Variants in CDH23 observed in about 807,000 individuals in gnomAD.
CDH23 encodes cadherin related 23.
In CDH23, 189 loss-of-function variants were observed where a neutral mutation model predicts 317.1. That is an observed-to-expected ratio of 0.60 (90% CI 0.53 to 0.67). CDH23 has a LOEUF of 0.67. Among genes scored for constraint, CDH23 ranks in the 30% least tolerant of loss-of-function variants. The pLI is 0.00. For synonymous variants in CDH23, 1,839 were observed against 1,876.8 expected (o/e 0.98, Z 0.52); for missense variants, 4,401 against 4,592.4 (o/e 0.96, Z 1.20).
At chr10:71,706,391 G>C (rs1273424603) in intron 25 of CDH23, among the ~76,000 whole-genome samples, 3 of 152,158 alleles carry the variant, frequency 2.0e-5, no homozygotes, top group African/African-American at 7.2e-5. Flanking sequence ...TGTGACTTTG[G>C]ACAAGTCACT....
In CDH23 at chr10:71,551,471, G is replaced by T. The variant is rs1045393843; in HGVS notation, c.430-15271G>T. Among the ~76,000 whole-genome samples the T allele has an allele frequency of 9.8e-5, 15 of 152,306 alleles. No individual in the cohort carries two copies. The East Asian group carries it at 2.5e-3, about 25-fold the overall frequency. On this transcript the variant is annotated intron_variant, in intron 6 of 69. Coordinates refer to ENST00000224721, the MANE Select transcript of CDH23 (RefSeq NM_022124.6). ...CTTCATTCCAGAAGGGGCTTGGAAG[G>T]CCCTTGGAACTTCCTGATCGGTTGG...
intron 9 of CDH23, among the ~76,000 whole-genome samples, chr10:71,581,363 C>T (rs1858617941): frequency 6.6e-6 from 1 of 152,208 alleles, no homozygotes; most frequent in Non-Finnish European, 1.5e-5. Flanking sequence ...CCCCAGAAGC[C>T]TGGGCTGGTG....
At chr10:71,791,063 G>T (rs950801879) in intron 46 of CDH23, 69 bp from the exon 47 acceptor site, 1 of 1,268,988 alleles carries the variant, frequency 7.9e-7, no homozygotes, top group Non-Finnish European at 1.1e-6. Flanking sequence ...CTCCCTGTTG[G>T]TTCTTGCCCT....
At chr10:71,567,917 C>T (rs1356748735) in intron 7 of CDH23, among the ~76,000 whole-genome samples, 1 of 152,248 alleles carries the variant, frequency 6.6e-6, no homozygotes, top group African/African-American at 2.4e-5. Context: ...ATCTGCCTGA[C>T]ACTCAGCATC....
chr10:71,555,097 A>T (rs1376653722), intron 6 of CDH23, among the ~76,000 whole-genome samples: 1 of 152,214 alleles, frequency 6.6e-6, no homozygotes, highest in East Asian at 1.9e-4. Context: ...CAATCAGACC[A>T]ATCACTCTGG....
At chr10:71,687,812 A>T (rs1427576089) in intron 19 of CDH23, 93 bp downstream of exon 19, 2 of 1,187,418 alleles carry the variant, frequency 1.7e-6, no homozygotes, top group Non-Finnish European at 2.5e-6. Flanking sequence ...TCTGCACACA[A>T]ATTGTGGGAG....
chr10:71,618,251 C>A (rs75018923), intron 11 of CDH23, among the ~76,000 whole-genome samples: 2,816 of 152,204 alleles, frequency 0.019, 182 homozygotes, highest in East Asian at 0.16. Context: ...CCTGGCTGGG[C>A]CCAGCCTTAA....
At chr10:71,745,683 T>A (rs1564771523) in intron 38 of CDH23, among the ~76,000 whole-genome samples, 1 of 152,210 alleles carries the variant, frequency 6.6e-6, no homozygotes, top group Non-Finnish European at 1.5e-5. Flanking sequence ...AGTAAACCCC[T>A]CAGGGTTATG....
chr10:71,628,104 A>T (rs918802558), intron 11 of CDH23, among the ~76,000 whole-genome samples: 16 of 152,202 alleles, frequency 1.1e-4, no homozygotes, highest in African/African-American at 3.6e-4. Context: ...GGCTGCAGTA[A>T]GCACAGCTCG....
At chr10:71,803,688 G>A (rs1418455348) in intron 55 of CDH23, among the ~76,000 whole-genome samples, 1 of 151,994 alleles carries the variant, frequency 6.6e-6, no homozygotes, top group Admixed American at 6.6e-5. Context: ...TCTTTGGTTT[G>A]GCCAGGTGCA....
chr10:71,694,268 G>A lies in CDH23; in HGVS notation c.2289+9G>A, dbSNP rs370927096. 1.1e-5 allele frequency: 17 copies of A among 1,602,150 alleles called. No individual in the cohort carries two copies. The South Asian group carries it at 1.3e-4, about 12-fold the overall frequency. On this transcript the variant is annotated intron_variant, in intron 21 of 69. Coordinates refer to ENST00000224721, the MANE Select transcript of CDH23 (RefSeq NM_022124.6). Reference sequence around the variant, plus strand: ...AAACTGGCATCGCCACCGTGAGTGCGCTCCCCTCCCGTGCCCCAGCTCCCC... The same window carrying A: ...AAACTGGCATCGCCACCGTGAGTGCACTCCCCTCCCGTGCCCCAGCTCCCC...
At chr10:71,760,891 G>A (rs867185788) in intron 38 of CDH23, 3 of 1,613,768 alleles carry the variant, frequency 1.9e-6, no homozygotes, top group African/African-American at 1.3e-5. Context: ...GGAGGAGGAT[G>A]GGTACACCAC....
intron 15 of CDH23, among the ~76,000 whole-genome samples, chr10:71,676,756 G>A (rs74145271): frequency 1.2e-3 from 177 of 152,322 alleles, no homozygotes; most frequent in African/African-American, 4.0e-3. Context: ...CAGGGAACCC[G>A]TGTTCACGTG....
At chr10:71,668,452 G>A (rs2132650080) in intron 14 of CDH23, among the ~76,000 whole-genome samples, 1 of 152,326 alleles carries the variant, frequency 6.6e-6, no homozygotes, top group African/African-American at 2.4e-5. Context: ...GAGCAAGGGA[G>A]GGGAGGTCTT....
At chr10:71,743,350 A>C (rs922988616) in intron 38 of CDH23, among the ~76,000 whole-genome samples, 3 of 152,178 alleles carry the variant, frequency 2.0e-5, no homozygotes, top group Non-Finnish European at 4.4e-5. Flanking sequence ...TGACAGCAGC[A>C]CTGTGGGAGG....
chr10:71,645,927 A>C lies in CDH23; in HGVS notation c.1237A>C (p.Ile413Leu). The C allele has an allele frequency of 1.2e-6, 2 of 1,613,654 alleles. No homozygotes were observed. The highest frequency in any genetic ancestry group is 1.7e-6 in the Non-Finnish European group (2 of 1,179,766). Residue 413 changes from isoleucine to leucine, a missense_variant, in exon 13 of 70, where the codon ATT becomes CTT. By Grantham distance (5) the Ile-to-Leu change is conservative (BLOSUM62 2). This residue lies in a region of CDH23 where 3,068 missense variants were observed against 3,203.3 expected (regional missense o/e 0.96). Transcript: ENST00000224721. The stretch of plus-strand genomic sequence containing the variant: ...CGTCCAGGGGAAGGCGGACATTCGT[A>C]TTCGGGTGGCCATCCCACTGGACTA... ...TSVQGKADIR[I>L]RVAIPLDYET...
At chr10:71,477,468 C>T (rs1197827903) in intron 3 of CDH23, among the ~76,000 whole-genome samples, 1 of 152,182 alleles carries the variant, frequency 6.6e-6, no homozygotes, top group Non-Finnish European at 1.5e-5. Flanking sequence ...CGCGCCCAGC[C>T]CCAGGCTCCT....
chr10:71,639,819 A>G (rs912904155), intron 11 of CDH23, among the ~76,000 whole-genome samples: 1 of 152,174 alleles, frequency 6.6e-6, no homozygotes, highest in African/African-American at 2.4e-5. Context: ...GTTTTGCACC[A>G]ACTTAGCAAA....
intron 69 of CDH23, 50 bp downstream of exon 69, chr10:71,813,398 T>C: frequency 2.7e-6 from 4 of 1,456,248 alleles, no homozygotes; most frequent in Non-Finnish European, 3.8e-6. Context: ...AGCCTGGGGA[T>C]GCTCTCTGTC....
Sources: allele counts gnomAD v4.1 joint callset (sites outside exome capture counted in the v4.1 genomes callset), GRCh38; gene constraint gnomAD v4.1.1; regional missense constraint gnomAD v4.1.1; transcripts MANE v1.5; gene names NCBI Gene and HGNC (gene_info 2026-07-23, HGNC 2026-07-21).